Variants in SUCLG1 observed in about 807,000 individuals in gnomAD.
SUCLG1 encodes the protein succinate--CoA ligase [ADP/GDP-forming] subunit alpha, mitochondrial.
In SUCLG1, 26 loss-of-function variants were observed where a neutral mutation model predicts 37.3. The ratio of observed to expected loss-of-function variants is 0.70; its 90% confidence interval spans 0.51 to 0.97. The LOEUF is 0.97. Ranked by LOEUF, SUCLG1 falls within the 50% of genes least tolerant of loss-of-function variation. SUCLG1 has a pLI of 0.00. For synonymous variants in SUCLG1, 163 were observed against 155.6 expected, an observed-to-expected ratio of 1.05 and a Z score of -0.36; for missense variants, 433 against 432.9, an observed-to-expected ratio of 1.00 and a Z score of 0.00.
chr2:84,459,119 C>A, intron 1 of SUCLG1, 54 bp downstream of exon 1: 1 of 1,509,662 alleles, frequency 6.6e-7, no homozygotes, highest in South Asian at 1.2e-5. Flanking sequence ...GAGGTTGGGT[C>A]CGGCGGGGCC....
intron 5 of SUCLG1, among the ~76,000 whole-genome samples, chr2:84,438,662 A>AC (rs1672724467): frequency 6.6e-6 from 1 of 151,946 alleles, no homozygotes; most frequent in African/African-American, 2.4e-5. Context: ...TTCTCTCCTC[A>AC]CCCCCTCAAA....
At chr2:84,450,410 AG>A (rs200325241) in intron 1 of SUCLG1, among the ~76,000 whole-genome samples, 1 of 145,642 alleles carries the variant, frequency 6.9e-6, no homozygotes, top group African/African-American at 2.5e-5. Flanking sequence ...AAAGCTTGTT[AG>A]GAAAAAAAAA....
chr2:84,454,550 C>T (rs1311466517), intron 1 of SUCLG1, among the ~76,000 whole-genome samples: 1 of 152,194 alleles, frequency 6.6e-6, no homozygotes, highest in Non-Finnish European at 1.5e-5. Flanking sequence ...TAGGGATTCA[C>T]AGGTGAACAA....
chr2:84,428,772 C>T (rs1037567929), intron 7 of SUCLG1, among the ~76,000 whole-genome samples: 9 of 152,136 alleles, frequency 5.9e-5, no homozygotes, highest in Admixed American at 2.0e-4. Flanking sequence ...AACAGAAAGG[C>T]CAGTTAGAAT....
rs190483838 is a variant in SUCLG1, at chr2:84,438,752, A to G, written c.589+2295T>C. 1.2e-4 allele frequency among the ~76,000 whole-genome samples: 18 copies of G among 152,324 alleles called. No individual in the cohort carries two copies. The East Asian group carries it at 3.1e-3, about 26-fold the overall frequency. ...TTGGAGAAATTTTCTGTCTTACAAG[A>G]GGATTATAAAATGCACCAATCAGCA... On this transcript the variant is annotated intron_variant, in intron 5 of 8. Transcript: ENST00000393868.
At chr2:84,444,720 C>A (rs1228752367) in intron 2 of SUCLG1, among the ~76,000 whole-genome samples, 2 of 152,106 alleles carry the variant, frequency 1.3e-5, no homozygotes, top group Non-Finnish European at 2.9e-5. Flanking sequence ...TTATTTCATC[C>A]CTACAGCTGC....
intron 5 of SUCLG1, among the ~76,000 whole-genome samples, chr2:84,440,592 A>G (rs1213539198): frequency 6.6e-6 from 1 of 152,230 alleles, no homozygotes; most frequent in Non-Finnish European, 1.5e-5. Context: ...TGTTTCCACA[A>G]AAAGACCTGT....
intron 7 of SUCLG1, among the ~76,000 whole-genome samples, chr2:84,428,770 G>C (rs1672573022): frequency 1.3e-5 from 2 of 152,186 alleles, no homozygotes; most frequent in Admixed American, 1.3e-4. Flanking sequence ...AAAACAGAAA[G>C]GCCAGTTAGA....
At chr2:84,428,724 G>C (rs1672572205) in intron 7 of SUCLG1, among the ~76,000 whole-genome samples, 1 of 152,202 alleles carries the variant, frequency 6.6e-6, no homozygotes, top group Admixed American at 6.5e-5. Flanking sequence ...AGTGTAGTCT[G>C]AAAATAGGAC....
intron 5 of SUCLG1, among the ~76,000 whole-genome samples, chr2:84,435,721 T>C (rs1446787284): frequency 6.6e-6 from 1 of 152,182 alleles, no homozygotes; most frequent in Non-Finnish European, 1.5e-5. Flanking sequence ...GCTTAAAACA[T>C]GGTTGCAACT....
In SUCLG1 at chr2:84,447,631, G is replaced by T. The variant is rs1672869899; in HGVS notation, c.201+2018C>A. ...AACAGGCTGGATATAACATCAACTG[G>T]GAAGGGGATAATAGAATGCACTTCA... is the stretch of plus-strand genomic sequence containing the variant. On this transcript the variant is annotated intron_variant, in intron 2 of 8. Transcript: ENST00000393868. Among the ~76,000 whole-genome samples the T allele has an allele frequency of 2.0e-5, 3 of 152,174 alleles. No homozygotes were observed. The South Asian group carries it at 6.2e-4, about 32-fold the overall frequency.
chr2:84,452,152 C>T (rs778128355), intron 1 of SUCLG1, among the ~76,000 whole-genome samples: 18 of 151,312 alleles, frequency 1.2e-4, no homozygotes, highest in Non-Finnish European at 2.5e-4. Context: ...TAAAAGTGGG[C>T]CATAACTGCG....
At chr2:84,442,479 T>C (rs1672788950) in intron 3 of SUCLG1, among the ~76,000 whole-genome samples, 1 of 152,168 alleles carries the variant, frequency 6.6e-6, no homozygotes, top group South Asian at 2.1e-4. Context: ...TAAATACTAT[T>C]AGTTTTGTAT....
Position 84,449,561 on chromosome 2 carries a change from GTTAT to G in SUCLG1, c.201+84_201+87del, listed in dbSNP as rs1573374756. ...GTATATTTTTCTGCAACAATCATGT[GTTAT>G]TTTTGAGATATTAAAAATAAAAAAA... On this transcript the variant is annotated intron_variant, in intron 2 of 8. Coordinates refer to ENST00000393868, the MANE Select transcript of SUCLG1 (RefSeq NM_003849.4). The G allele has an allele frequency of 5.5e-6, 5 of 909,020 alleles. No homozygotes were observed. The East Asian group carries it at 1.1e-4, about 20-fold the overall frequency. The allele number at this position is 909,020 out of a possible 1,614,324, so 56.3% of individuals were successfully genotyped here.
chr2:84,433,379 C>T lies in SUCLG1; in HGVS notation c.646G>A (p.Val216Ile). The change falls in exon 6 of 9, where the codon GTT becomes ATT. Residue 216 changes from valine (V) to isoleucine (I), a missense_variant. Transcript: ENST00000393868. ...ACGCACAAAGACTGCCCCAATCCAA[C>T]TTGCGTTGTTTGGTGAACTGCTTCA... The part of the protein sequence containing the change: ...TYEAVHQTTQ[V>I]GLGQSLCVGI... 6.2e-7 allele frequency: 1 copy of T among 1,613,986 alleles called. No homozygotes were observed. Among genetic ancestry groups the T allele is most frequent in the African/African-American group, 1.3e-5 (1 of 75,054 alleles).
At chr2:84,457,027 T>C (rs1673031320) in intron 1 of SUCLG1, among the ~76,000 whole-genome samples, 1 of 151,896 alleles carries the variant, frequency 6.6e-6, no homozygotes, top group Non-Finnish European at 1.5e-5. Flanking sequence ...TTCACTTGAG[T>C]TTTTTCTGTG....
intron 2 of SUCLG1, among the ~76,000 whole-genome samples, chr2:84,446,932 T>C (rs1158329796): frequency 6.6e-6 from 1 of 152,124 alleles, no homozygotes; most frequent in East Asian, 1.9e-4. Flanking sequence ...AATTCAGAAG[T>C]ACCAAATTTT....
At position 84,433,406 on chromosome 2, in the gene SUCLG1, A is replaced by G. The variant is rs562776909; in HGVS notation, c.619T>C (p.Tyr207His). ...GIVSRSGTLTYEAVHQTTQVG... is the reference protein window; with the variant it reads ...GIVSRSGTLTHEAVHQTTQVG... ...TGCGTTGTTTGGTGAACTGCTTCAT[A>G]AGTCAGGGTGCCAGATCTGGACACA... is the stretch of plus-strand genomic sequence containing the variant. The change falls in exon 6 of 9, where the codon TAT becomes CAT. Residue 207 changes from tyrosine to histidine, a missense_variant. Tyr to His is a moderately conservative substitution (Grantham distance 83). Transcript: ENST00000393868. The G allele has an allele frequency of 1.9e-6, 3 of 1,613,944 alleles. No individual in the cohort carries two copies. In the East Asian group the frequency reaches 6.7e-5, roughly 36 times the overall value.
chr2:84,452,185 A>T (rs1672952282), intron 1 of SUCLG1, among the ~76,000 whole-genome samples: 1 of 142,590 alleles, frequency 7.0e-6, no homozygotes, highest in African/African-American at 2.7e-5. Context: ...TACTATAATA[A>T]AAAAAAAAAA....
Sources: gnomAD v4.1 joint callset for allele counts (sites outside exome capture counted in the v4.1 genomes callset) on GRCh38, gnomAD v4.1.1 for gene constraint, MANE v1.5 for transcripts, NCBI Gene and HGNC (gene_info 2026-07-23, HGNC 2026-07-21) for gene names.